Variants in KATNBL1 observed in about 807,000 individuals in gnomAD.
KATNBL1 encodes the protein katanin regulatory subunit B1 like 1.
Under a neutral mutation model 44.7 loss-of-function variants are expected in KATNBL1, and 28 were observed. The ratio of observed to expected loss-of-function variants is 0.63; its 90% CI spans 0.46 to 0.86. The LOEUF (loss-of-function observed/expected upper bound fraction) is 0.86, where lower values mean the gene tolerates loss of function less well. Ranked by LOEUF, KATNBL1 falls within the 40% of genes least tolerant of loss-of-function variation. The pLI is 0.00. For synonymous variants in KATNBL1, 78 were observed against 114.9 expected (o/e 0.68, Z 2.06); for missense variants, 272 against 350.7 (o/e 0.78, Z 1.79).
At chr15:34,179,121 G>A (rs1361687741) in intron 1 of KATNBL1, among the ~76,000 whole-genome samples, 1 of 152,150 alleles carries the variant, frequency 6.6e-6, no homozygotes, top group East Asian at 1.9e-4. Flanking sequence ...AGCTCGTTTT[G>A]TGCTACTACA....
chr15:34,181,603 TG>T, intron 1 of KATNBL1, among the ~76,000 whole-genome samples: 1 of 33,042 alleles, frequency 3.0e-5, no homozygotes. Flanking sequence ...CACATATATA[TG>T]TCCATATATA....
chr15:34,205,653 T>G (rs760288577), intron 1 of KATNBL1, among the ~76,000 whole-genome samples: 47 of 152,208 alleles, frequency 3.1e-4, no homozygotes, highest in Non-Finnish European at 5.9e-4. Context: ...CTGGTTGGTT[T>G]GCATTTTGAA....
At chr15:34,159,730 T>A (rs1324746859) in intron 2 of KATNBL1, among the ~76,000 whole-genome samples, 1 of 152,176 alleles carries the variant, frequency 6.6e-6, no homozygotes, top group Admixed American at 6.5e-5. Context: ...TTTTCCATGA[T>A]TGATTTGGAG....
At chr15:34,156,240 C>T (rs760825130) in intron 2 of KATNBL1, among the ~76,000 whole-genome samples, 4 of 152,260 alleles carry the variant, frequency 2.6e-5, no homozygotes, top group South Asian at 4.1e-4. Context: ...AACTCAGTGT[C>T]GGGAGACAGA....
chr15:34,165,929 C>A (rs1888956222), intron 1 of KATNBL1: 1 of 152,150 alleles, frequency 6.6e-6, no homozygotes, highest in African/African-American at 2.4e-5. Flanking sequence ...ACTGGCAATA[C>A]CAAGGACATC....
chr15:34,157,138 C>A (rs1239114003), intron 2 of KATNBL1, among the ~76,000 whole-genome samples: 2 of 152,134 alleles, frequency 1.3e-5, no homozygotes, highest in Admixed American at 1.3e-4. Flanking sequence ...AGGCAAGCAT[C>A]AAAGGTAATA....
At chr15:34,202,280 C>T (rs188291804) in intron 1 of KATNBL1, among the ~76,000 whole-genome samples, 19 of 152,264 alleles carry the variant, frequency 1.2e-4, no homozygotes, top group African/African-American at 4.1e-4. Context: ...TTAAAAAACT[C>T]TATCTTCATT....
intron 1 of KATNBL1, among the ~76,000 whole-genome samples, chr15:34,208,234 A>C (rs1595373138): frequency 6.6e-6 from 1 of 152,168 alleles, no homozygotes; most frequent in African/African-American, 2.4e-5. Context: ...GTAGTCTTCT[A>C]TCCTTCATCC....
At chr15:34,209,304 A>AC (rs1330289532) in intron 1 of KATNBL1, 2 of 152,200 alleles carry the variant, frequency 1.3e-5, no homozygotes, top group African/African-American at 4.8e-5. Flanking sequence ...AAAGAAACTG[A>AC]CATAGGTATC....
chr15:34,178,153 AT>A (rs1889392425), intron 1 of KATNBL1, among the ~76,000 whole-genome samples: 1 of 152,176 alleles, frequency 6.6e-6, no homozygotes, highest in African/African-American at 2.4e-5. Context: ...CCACATTTCT[AT>A]TTTCGTTAAT....
chr15:34,156,287 T>C (rs918639548), intron 2 of KATNBL1, among the ~76,000 whole-genome samples: 2 of 152,138 alleles, frequency 1.3e-5, no homozygotes, highest in African/African-American at 4.8e-5. Context: ...TGTGGGGTCT[T>C]GAACTTCGGG....
chr15:34,147,309 A>G lies in KATNBL1; in HGVS notation c.609-20T>C. ...TGTAAACTAAAATAAATACCAAGTT[A>G]TAAAAATATGGATGGGCCATAATTT... is the stretch of plus-strand genomic sequence containing the variant. On this transcript the variant is annotated intron_variant, in intron 6 of 9. Transcript: ENST00000256544. 6.3e-7 allele frequency: 1 copy of G among 1,596,950 alleles called. No homozygotes were observed. The highest frequency in any genetic ancestry group is 8.6e-7 in the Non-Finnish European group (1 of 1,164,796).
At chr15:34,181,271 A>G (rs536390800) in intron 1 of KATNBL1, among the ~76,000 whole-genome samples, 2 of 152,288 alleles carry the variant, frequency 1.3e-5, no homozygotes, top group African/African-American at 4.8e-5. Flanking sequence ...TGATTCCCAG[A>G]CTTAGCCATC....
intron 1 of KATNBL1, among the ~76,000 whole-genome samples, chr15:34,170,116 G>C (rs1889113900): frequency 6.6e-6 from 1 of 152,212 alleles, no homozygotes; most frequent in Admixed American, 6.5e-5. Context: ...AAGAAATAAA[G>C]GGTATTCAAT....
At chr15:34,152,033 C>T (rs1888495866) in intron 4 of KATNBL1, among the ~76,000 whole-genome samples, 1 of 151,120 alleles carries the variant, frequency 6.6e-6, no homozygotes, top group Non-Finnish European at 1.5e-5. Flanking sequence ...CTCTGCCTCC[C>T]AGGTTCAAGT....
chr15:34,188,012 G>T (rs1448758291), intron 1 of KATNBL1, among the ~76,000 whole-genome samples: 1 of 151,184 alleles, frequency 6.6e-6, no homozygotes, highest in Non-Finnish European at 1.5e-5. Context: ...GGTAGCAAGT[G>T]CCTGTAATCC....
At chr15:34,151,654 G>T (rs1441479354) in intron 4 of KATNBL1, among the ~76,000 whole-genome samples, 1 of 151,868 alleles carries the variant, frequency 6.6e-6, no homozygotes, top group African/African-American at 2.4e-5. Context: ...GTTTTGCCAT[G>T]TTGGCCAGGC....
intron 4 of KATNBL1, among the ~76,000 whole-genome samples, chr15:34,150,008 G>C (rs1204878415): frequency 2.0e-5 from 3 of 152,170 alleles, no homozygotes; most frequent in Non-Finnish European, 1.5e-5. Flanking sequence ...CACTTGTACA[G>C]ACACTTTTGT....
At chr15:34,168,075 T>C (rs138108645) in intron 1 of KATNBL1, among the ~76,000 whole-genome samples, 15,889 of 152,180 alleles carry the variant, frequency 0.1, 1,088 homozygotes, top group Non-Finnish European at 0.15. Flanking sequence ...CAGGATCAAA[T>C]TCATACATAA....
Sources: allele counts gnomAD v4.1 joint callset (sites outside exome capture counted in the v4.1 genomes callset), GRCh38; gene constraint gnomAD v4.1.1; transcripts MANE v1.5; gene names NCBI Gene and HGNC (gene_info 2026-07-23, HGNC 2026-07-21).